Variants in CPEB3 observed in about 807,000 individuals in gnomAD.
CPEB3 encodes cytoplasmic polyadenylation element binding protein 3.
Under a neutral mutation model 67.2 loss-of-function variants are expected in CPEB3, and 20 were observed. The ratio of observed to expected loss-of-function variants is 0.30; its 90% CI spans 0.21 to 0.43. The LOEUF (loss-of-function observed/expected upper bound fraction) is 0.43, where lower values mean the gene tolerates loss of function less well. CPEB3 is among the 20% of genes least tolerant of loss of function. The pLI is 1.00. For synonymous variants in CPEB3, 376 were observed against 393.1 expected (o/e 0.96, Z 0.51); for missense variants, 746 against 968.6 (o/e 0.77, Z 3.05).
At chr10:92,104,907 T>TC (rs1488921316) in intron 7 of CPEB3, among the ~76,000 whole-genome samples, 2 of 152,126 alleles carry the variant, frequency 1.3e-5, no homozygotes, top group Non-Finnish European at 2.9e-5. Flanking sequence ...TCTTTTCTTT[T>TC]CTTTTTTTTA....
chr10:92,078,838 A>C (rs1321735218), intron 9 of CPEB3, among the ~76,000 whole-genome samples: 1 of 152,230 alleles, frequency 6.6e-6, no homozygotes, highest in Non-Finnish European at 1.5e-5. Flanking sequence ...AGCGGTAGGC[A>C]ACAAAACAAA....
At chr10:92,214,904 G>C (rs1252426720) in intron 2 of CPEB3, among the ~76,000 whole-genome samples, 1 of 151,992 alleles carries the variant, frequency 6.6e-6, no homozygotes, top group Non-Finnish European at 1.5e-5. Context: ...CTGGAGTGCA[G>C]TGGTGCAATC....
At chr10:92,173,254 C>T (rs1046791695) in intron 4 of CPEB3, among the ~76,000 whole-genome samples, 6 of 152,128 alleles carry the variant, frequency 3.9e-5, no homozygotes, top group Non-Finnish European at 7.4e-5. Context: ...GGAAGTCCAC[C>T]GGGAAGAGTA....
chr10:92,257,577 G>A (rs1424878473), intron 1 of CPEB3, among the ~76,000 whole-genome samples: 1 of 152,078 alleles, frequency 6.6e-6, no homozygotes, highest in Non-Finnish European at 1.5e-5. Flanking sequence ...TTACAGGGGT[G>A]AACCACCTTG....
intron 1 of CPEB3, among the ~76,000 whole-genome samples, chr10:92,256,439 G>C (rs926575491): frequency 6.7e-6 from 1 of 149,642 alleles, no homozygotes; most frequent in Non-Finnish European, 1.5e-5. Flanking sequence ...TGCCCAGCTA[G>C]AGTGCGGTGG....
intron 4 of CPEB3, among the ~76,000 whole-genome samples, chr10:92,166,833 C>T (rs140513997): frequency 2.6e-5 from 4 of 152,320 alleles, no homozygotes; most frequent in Non-Finnish European, 2.9e-5. Context: ...TCTCCTCTCT[C>T]GTTATGAAAG....
At chr10:92,218,624 T>C (rs1360344577) in intron 2 of CPEB3, among the ~76,000 whole-genome samples, 1 of 152,142 alleles carries the variant, frequency 6.6e-6, no homozygotes, top group Admixed American at 6.6e-5. Flanking sequence ...CAAGCATAGA[T>C]CCTGTTCTCC....
chr10:92,167,724 T>C (rs149425965), intron 4 of CPEB3, among the ~76,000 whole-genome samples: 17 of 152,220 alleles, frequency 1.1e-4, no homozygotes, highest in African/African-American at 3.9e-4. Flanking sequence ...CTGGCCAACA[T>C]AGTGAAACAC....
intron 6 of CPEB3, among the ~76,000 whole-genome samples, 171 bp downstream of exon 6, chr10:92,142,858 A>G (rs138374977): frequency 3.3e-5 from 5 of 152,340 alleles, no homozygotes; most frequent in African/African-American, 1.2e-4. Flanking sequence ...CTTCAGGGGA[A>G]GAGTCTCTAA....
chr10:92,141,812 A>T (rs1446178680), intron 6 of CPEB3, among the ~76,000 whole-genome samples: 1 of 151,048 alleles, frequency 6.6e-6, no homozygotes, highest in African/African-American at 2.4e-5. Context: ...AGGTCAGGAG[A>T]GCGAGACCAT....
At chr10:92,054,547 C>A (rs977061337) in intron 9 of CPEB3, among the ~76,000 whole-genome samples, 7 of 152,128 alleles carry the variant, frequency 4.6e-5, no homozygotes, top group African/African-American at 1.7e-4. Flanking sequence ...TCAAGCGATT[C>A]CCCTGCCTCC....
intron 7 of CPEB3, 30 bp from the exon 8 acceptor site, chr10:92,091,974 C>T (rs1443703043): frequency 7.5e-7 from 1 of 1,328,210 alleles, no homozygotes; most frequent in Non-Finnish European, 1.1e-6. Flanking sequence ...TTGGTCCTTA[C>T]TTCATTTCCA....
At chr10:92,092,791 A>G (rs1023518567) in intron 7 of CPEB3, among the ~76,000 whole-genome samples, 1 of 151,982 alleles carries the variant, frequency 6.6e-6, no homozygotes, top group African/African-American at 2.4e-5. Context: ...AAAAAAAAAA[A>G]GAGAGAGAAT....
intron 2 of CPEB3, among the ~76,000 whole-genome samples, chr10:92,201,738 C>G (rs1402344609): frequency 6.6e-6 from 1 of 152,168 alleles, no homozygotes; most frequent in African/African-American, 2.4e-5. Flanking sequence ...CCTTTGCTAT[C>G]AAAACCTATC....
At chr10:92,216,561 G>A in intron 2 of CPEB3, 2 of 1,612,370 alleles carry the variant, frequency 1.2e-6, no homozygotes, top group Non-Finnish European at 1.7e-6. Flanking sequence ...GGAGAAAAAG[G>A]GATCATGGTT....
At chr10:92,159,882 C>T (rs1243608020) in intron 4 of CPEB3, among the ~76,000 whole-genome samples, 1 of 152,080 alleles carries the variant, frequency 6.6e-6, no homozygotes, top group Non-Finnish European at 1.5e-5. Flanking sequence ...AAAGGATTAT[C>T]CAGCTCAAGC....
chr10:92,113,401 A>G (rs1844847764), intron 6 of CPEB3, among the ~76,000 whole-genome samples: 1 of 152,258 alleles, frequency 6.6e-6, no homozygotes, highest in African/African-American at 2.4e-5. Flanking sequence ...AGATAATATT[A>G]GAGATAAGGT....
At chr10:92,215,612 T>C (rs1850326846) in intron 2 of CPEB3, among the ~76,000 whole-genome samples, 1 of 151,348 alleles carries the variant, frequency 6.6e-6, no homozygotes, top group Non-Finnish European at 1.5e-5. Context: ...CAGCTAATTA[T>C]CTGTATTTTT....
chr10:92,119,255 TCTC>T lies in CPEB3; in HGVS notation c.1454-8064_1454-8062del, dbSNP rs1443396619. The T allele has an allele frequency of 5.1e-6, 8 of 1,570,334 alleles. No homozygotes were observed. The Admixed American group carries it at 1.3e-4, about 26-fold the overall frequency. On this transcript the variant is annotated intron_variant, in intron 6 of 9. Coordinates refer to ENST00000265997, the MANE Select transcript of CPEB3 (RefSeq NM_014912.5). ...CTCTTATCTCCAGCCTGGGAAAAGTTCTCCTTATTTGTTTAGATCCTTTTGCAC... is the reference window on the plus strand; with the variant it reads ...CTCTTATCTCCAGCCTGGGAAAAGTTCTTATTTGTTTAGATCCTTTTGCAC...
Sources: gnomAD v4.1 joint callset for allele counts (sites outside exome capture counted in the v4.1 genomes callset) on GRCh38, gnomAD v4.1.1 for gene constraint, MANE v1.5 for transcripts, NCBI Gene and HGNC (gene_info 2026-07-23, HGNC 2026-07-21) for gene names.